Variants in NXN observed in about 807,000 individuals in gnomAD.
NXN encodes the protein nucleoredoxin 1.
NXN carries 16 observed loss-of-function variants against 48.6 expected under a neutral mutation model. That is an observed-to-expected ratio of 0.33 (90% CI 0.22 to 0.50). The LOEUF (loss-of-function observed/expected upper bound fraction) is 0.50. Ranked by LOEUF, NXN falls within the 20% of genes least tolerant of loss-of-function variation. The pLI is 0.98. For missense variants in NXN, 492 were observed against 605.5 expected, an observed-to-expected ratio of 0.81 and a Z score of 1.97; for synonymous variants, 281 against 269.6, an observed-to-expected ratio of 1.04 and a Z score of -0.41.
intron 1 of NXN, among the ~76,000 whole-genome samples, chr17:966,425 G>A (rs546901688): frequency 7.4e-4 from 113 of 152,054 alleles, no homozygotes; most frequent in African/African-American, 2.6e-3. Flanking sequence ...TTGGCTCACC[G>A]CAACCTCCGC....
chr17:883,600 C>T (rs2068309185), intron 1 of NXN, among the ~76,000 whole-genome samples: 1 of 152,218 alleles, frequency 6.6e-6, no homozygotes, highest in Non-Finnish European at 1.5e-5. Flanking sequence ...CTCCATGAAG[C>T]CAGGTCGATG....
chr17:884,000 C>T (rs1034234286), intron 1 of NXN, among the ~76,000 whole-genome samples: 7 of 152,116 alleles, frequency 4.6e-5, no homozygotes, highest in African/African-American at 7.2e-5. Flanking sequence ...GGGCGGATCA[C>T]GAGGTCAGGA....
At chr17:877,410 T>C (rs1342550157) in intron 1 of NXN, among the ~76,000 whole-genome samples, 1 of 152,078 alleles carries the variant, frequency 6.6e-6, no homozygotes, top group African/African-American at 2.4e-5. Context: ...CCTCCCAAAG[T>C]GCTGGAATTA....
intron 1 of NXN, chr17:896,853 G>A: frequency 8.5e-7 from 1 of 1,182,580 alleles, no homozygotes; most frequent in South Asian, 1.4e-5. Flanking sequence ...ACGCGGTCCT[G>A]ACCACCCGCC....
intron 1 of NXN, among the ~76,000 whole-genome samples, chr17:846,706 G>A (rs1309584483): frequency 1.3e-5 from 2 of 151,874 alleles, no homozygotes; most frequent in Non-Finnish European, 2.9e-5. Flanking sequence ...TTAAAGAAAA[G>A]TGGAGGGAAA....
intron 1 of NXN, among the ~76,000 whole-genome samples, chr17:966,422 A>G (rs2069304225): frequency 6.6e-6 from 1 of 151,904 alleles, no homozygotes; most frequent in South Asian, 2.1e-4. Context: ...AATTTGGCTC[A>G]CCGCAACCTC....
intron 1 of NXN, among the ~76,000 whole-genome samples, chr17:890,748 C>T (rs184661989): frequency 2.0e-5 from 3 of 152,184 alleles, no homozygotes; most frequent in Admixed American, 2.0e-4. Flanking sequence ...TGACTTCTGA[C>T]AGATAAGGGT....
chr17:835,249 A>G (rs1211353820), intron 1 of NXN, among the ~76,000 whole-genome samples: 5 of 150,652 alleles, frequency 3.3e-5, no homozygotes, highest in Admixed American at 1.3e-4. Context: ...CGGAGCTTGC[A>G]GTGAGCTGAG....
At chr17:947,348 C>T (rs1436231682) in intron 1 of NXN, among the ~76,000 whole-genome samples, 1 of 152,140 alleles carries the variant, frequency 6.6e-6, no homozygotes, top group Non-Finnish European at 1.5e-5. Flanking sequence ...AATGGGGCTA[C>T]ACAGGCATTG....
At chr17:855,445 G>A (rs1027847400) in intron 1 of NXN, among the ~76,000 whole-genome samples, 4 of 152,100 alleles carry the variant, frequency 2.6e-5, no homozygotes, top group Admixed American at 2.0e-4. Context: ...TCTTCTTTGC[G>A]GCTAGTAAAA....
Position 863,961 on chromosome 17 carries a change from T to C in NXN, c.361-37883A>G, listed in dbSNP as rs537468855. The C allele has an allele frequency of 1.3e-4, 203 of 1,534,498 alleles. No homozygotes were observed. In the African/African-American group the frequency reaches 2.5e-3, roughly 19 times the overall value. ...ATCAGCAGCAGCAATGCCTGGGAAC[T>C]GAGTGAGGAAACACGTTAACCATTG... is the stretch of plus-strand genomic sequence containing the variant. On this transcript the variant is annotated intron_variant, in intron 1 of 7. Coordinates refer to ENST00000336868, the MANE Select transcript of NXN (RefSeq NM_022463.5).
intron 3 of NXN, 124 bp downstream of exon 3, chr17:823,508 A>C: frequency 9.5e-7 from 1 of 1,049,146 alleles, no homozygotes; most frequent in Non-Finnish European, 1.4e-6. Context: ...CGGGCACAGG[A>C]GAAGGCCAGA....
At chr17:819,796 G>A (rs889076116) in intron 4 of NXN, among the ~76,000 whole-genome samples, 4 of 152,024 alleles carry the variant, frequency 2.6e-5, no homozygotes, top group African/African-American at 7.2e-5. Context: ...TCCCATCCAG[G>A]CAACGCAACT....
chr17:835,626 G>A (rs577162309), intron 1 of NXN, among the ~76,000 whole-genome samples: 1 of 152,164 alleles, frequency 6.6e-6, no homozygotes, highest in Non-Finnish European at 1.5e-5. Context: ...ATATCAAAAG[G>A]GACGGGACTG....
At chr17:894,170 G>GCA (rs1464725937) in intron 1 of NXN, among the ~76,000 whole-genome samples, 5 of 70,444 alleles carry the variant, frequency 7.1e-5, no homozygotes, top group Non-Finnish European at 8.1e-5. Context: ...CATCTCAAAC[G>GCA]CCCTGGAAGC....
At chr17:960,380 GTCAC>G (rs1437710362) in intron 1 of NXN, among the ~76,000 whole-genome samples, 2 of 151,524 alleles carry the variant, frequency 1.3e-5, no homozygotes, top group African/African-American at 4.9e-5. Flanking sequence ...GTCTCCTTCT[GTCAC>G]TCAGGCTGGG....
intron 1 of NXN, among the ~76,000 whole-genome samples, chr17:944,372 GC>G (rs1567512999): frequency 6.6e-6 from 1 of 152,116 alleles, no homozygotes; most frequent in African/African-American, 2.4e-5. Flanking sequence ...GATCAAATAC[GC>G]TTCTCTGACT....
chr17:967,971 CAA>C (rs946244990), intron 1 of NXN, among the ~76,000 whole-genome samples: 4 of 102,418 alleles, frequency 3.9e-5, no homozygotes, highest in Non-Finnish European at 4.1e-5. Flanking sequence ...GACTCCGTCT[CAA>C]AAAAAAAAAA....
At chr17:870,580 A>C (rs2068140868) in intron 1 of NXN, among the ~76,000 whole-genome samples, 1 of 147,926 alleles carries the variant, frequency 6.8e-6, no homozygotes, top group East Asian at 2.0e-4. Flanking sequence ...CTGTCTCTAC[A>C]AAAAAAAAAG....
Sources: gnomAD v4.1 joint callset for allele counts (sites outside exome capture counted in the v4.1 genomes callset) on GRCh38, gnomAD v4.1.1 for gene constraint, MANE v1.5 for transcripts, NCBI Gene and HGNC (gene_info 2026-07-23, HGNC 2026-07-21) for gene names.